FHIP1A: variants seen among roughly 807,000 people sequenced by gnomAD.
The protein encoded by FHIP1A is FHF complex subunit HOOK interacting protein 1A.
A neutral mutation model predicts 88.6 loss-of-function variants in FHIP1A; 61 were observed. The observed-to-expected ratio is 0.69, with a 90% CI of 0.56 to 0.85. FHIP1A has a LOEUF of 0.85. Ranked by LOEUF, FHIP1A falls within the 40% of genes least tolerant of loss-of-function variation. The pLI is 0.00. For missense variants in FHIP1A, 1,154 were observed against 1,273.5 expected (o/e 0.91, Z 1.43); for synonymous variants, 478 against 496.0 (o/e 0.96, Z 0.48).
intron 1 of FHIP1A, among the ~76,000 whole-genome samples, chr4:151,435,843 A>G (rs1406264984): frequency 6.6e-6 from 1 of 152,074 alleles, no homozygotes; most frequent in Non-Finnish European, 1.5e-5. Context: ...AATCATATGA[A>G]TATCAAGTAA....
intron 3 of FHIP1A, among the ~76,000 whole-genome samples, chr4:151,521,872 G>A (rs1043189594): frequency 6.6e-6 from 1 of 152,180 alleles, no homozygotes; most frequent in East Asian, 1.9e-4. Context: ...CCACACACAT[G>A]TGCCACCATG....
In FHIP1A at chr4:151,567,442, CCTT is replaced by C. The variant is rs542533358; in HGVS notation, c.105+1081_105+1083del. 5.7e-3 allele frequency among the ~76,000 whole-genome samples: 869 copies of C among 151,828 alleles called. 5 individuals carry two copies. Among genetic ancestry groups the C allele is most frequent in the Admixed American group, 8.9e-3 (136 of 15,224 alleles). ...GCTTCTTGTTACTATCTAGTATAAA[CCTT>C]CTCCGATTTTTTGTGCATTCTCTGA... On this transcript the variant is annotated intron_variant, in intron 4 of 13. Transcript: ENST00000435205.
At chr4:151,467,852 A>C (rs1164857196) in intron 2 of FHIP1A, among the ~76,000 whole-genome samples, 1 of 152,078 alleles carries the variant, frequency 6.6e-6, no homozygotes, top group Non-Finnish European at 1.5e-5. Context: ...AAGGGGAGGG[A>C]GAGCATTAGG....
intron 2 of FHIP1A, among the ~76,000 whole-genome samples, chr4:151,459,218 G>A (rs1201969607): frequency 1.3e-5 from 2 of 151,718 alleles, no homozygotes; most frequent in Non-Finnish European, 1.5e-5. Flanking sequence ...AAGTATTACC[G>A]GAGTATATCT....
At chr4:151,500,683 A>G (rs780192649) in intron 3 of FHIP1A, among the ~76,000 whole-genome samples, 3 of 152,212 alleles carry the variant, frequency 2.0e-5, no homozygotes, top group Non-Finnish European at 4.4e-5. Flanking sequence ...AGGTACTATT[A>G]ATGGTATTCA....
intron 3 of FHIP1A, among the ~76,000 whole-genome samples, chr4:151,546,138 G>A (rs918311492): frequency 6.6e-6 from 1 of 152,096 alleles, no homozygotes; most frequent in Admixed American, 6.5e-5. Context: ...GCAGAGAAAA[G>A]GTGATTTCCT....
chr4:151,624,808 G>C (rs1405718276), intron 7 of FHIP1A, among the ~76,000 whole-genome samples: 1 of 152,200 alleles, frequency 6.6e-6, no homozygotes, highest in Non-Finnish European at 1.5e-5. Flanking sequence ...GCAGAAGGGA[G>C]GCATAGGGGA....
chr4:151,639,081 T>C (rs576658873), intron 9 of FHIP1A, among the ~76,000 whole-genome samples: 1 of 152,356 alleles, frequency 6.6e-6, no homozygotes, highest in African/African-American at 2.4e-5. Flanking sequence ...GCTGAATGTC[T>C]TTCTCCTGAA....
chr4:151,518,433 A>T (rs780202411), intron 3 of FHIP1A, among the ~76,000 whole-genome samples: 4 of 152,160 alleles, frequency 2.6e-5, no homozygotes, highest in Non-Finnish European at 4.4e-5. Flanking sequence ...CCCATTGTTA[A>T]ACAACATATG....
At chr4:151,436,049 TC>T in intron 1 of FHIP1A, among the ~76,000 whole-genome samples, 1 of 152,166 alleles carries the variant, frequency 6.6e-6, no homozygotes, top group East Asian at 1.9e-4. Flanking sequence ...CTTATTTAGA[TC>T]CTATCTGTAT....
chr4:151,624,081 G>T (rs560001958), intron 7 of FHIP1A, among the ~76,000 whole-genome samples: 2 of 152,268 alleles, frequency 1.3e-5, no homozygotes, highest in African/African-American at 4.8e-5. Context: ...TGTTCCCATT[G>T]CGAGGAGGTA....
intron 3 of FHIP1A, among the ~76,000 whole-genome samples, chr4:151,560,000 C>T (rs1310276527): frequency 6.6e-6 from 1 of 152,170 alleles, no homozygotes; most frequent in Non-Finnish European, 1.5e-5. Flanking sequence ...ACCATGAATG[C>T]ATCTTTAAAG....
In FHIP1A at chr4:151,541,518, G is replaced by C. The variant is rs546839770; in HGVS notation, c.-122-24620G>C. ...ATTAAGCTCCTGCATGCCAAGTACT[G>C]CTGGGTTTCGTCCCTTTTAATGAGT... is the stretch of plus-strand genomic sequence containing the variant. On this transcript the variant is annotated intron_variant, in intron 3 of 13. Transcript: ENST00000435205. Among the ~76,000 whole-genome samples, 64 of 152,308 alleles carry C rather than the reference G, an allele frequency of 4.2e-4. No homozygotes were observed. In the South Asian group the frequency reaches 0.013, roughly 32 times the overall value.
intron 7 of FHIP1A, among the ~76,000 whole-genome samples, chr4:151,623,022 C>T (rs1209081872): frequency 1.3e-5 from 2 of 152,160 alleles, no homozygotes; most frequent in African/African-American, 2.4e-5. Context: ...TTGCTGAATC[C>T]TCCAAGGAGA....
At chr4:151,582,909 G>A (rs1484450686) in intron 5 of FHIP1A, among the ~76,000 whole-genome samples, 1 of 152,180 alleles carries the variant, frequency 6.6e-6, no homozygotes, top group African/African-American at 2.4e-5. Context: ...TAAATAGAAT[G>A]TGCTATTCAT....
intron 4 of FHIP1A, among the ~76,000 whole-genome samples, chr4:151,574,613 C>T (rs904067395): frequency 1.3e-4 from 19 of 151,922 alleles, no homozygotes; most frequent in African/African-American, 4.6e-4. Flanking sequence ...TTGTTTTAAA[C>T]TCAATGGTTT....
chr4:151,523,294 A>G (rs1580665299), intron 3 of FHIP1A, among the ~76,000 whole-genome samples: 1 of 152,222 alleles, frequency 6.6e-6, no homozygotes, highest in South Asian at 2.1e-4. Context: ...GCTCATTCTC[A>G]GCTAATGGTA....
Position 151,666,263 on chromosome 4 carries a change from T to G in FHIP1A, c.*3509T>G, listed in dbSNP as rs1258945599. ...GAAATGGGAGTGCTGGAATAGCCAG[T>G]TAGAGATGTGATTTTTCTTTACCAT... On this transcript the variant is annotated 3_prime_UTR_variant, in exon 14 of 14. Coordinates refer to ENST00000435205, the MANE Select transcript of FHIP1A (RefSeq NM_001109977.3). Among the ~76,000 whole-genome samples the G allele has an allele frequency of 6.6e-6, 1 of 152,114 alleles. No homozygotes were observed. Among genetic ancestry groups the G allele is most frequent in the Non-Finnish European group, 1.5e-5 (1 of 68,024 alleles).
At chr4:151,538,617 G>A (rs1732156328) in intron 3 of FHIP1A, among the ~76,000 whole-genome samples, 2 of 152,188 alleles carry the variant, frequency 1.3e-5, no homozygotes, top group Non-Finnish European at 2.9e-5. Context: ...CTTTAGAGAT[G>A]TGGTTGGGTA....
Sources: gnomAD v4.1 joint callset for allele counts (sites outside exome capture counted in the v4.1 genomes callset) on GRCh38, gnomAD v4.1.1 for gene constraint, MANE v1.5 for transcripts, NCBI Gene and HGNC (gene_info 2026-07-23, HGNC 2026-07-21) for gene names.